Variants in ANKRD26 observed in about 807,000 individuals in gnomAD.
The protein encoded by ANKRD26 is ankyrin repeat domain-containing protein 26.
In ANKRD26, 141 loss-of-function variants were observed where a neutral mutation model predicts 208.7. The observed-to-expected ratio is 0.68, with a 90% confidence interval of 0.59 to 0.78. ANKRD26 has a LOEUF of 0.78. Among genes scored for constraint, ANKRD26 ranks in the 30% least tolerant of loss-of-function variants. The probability of loss-of-function intolerance (pLI) is 0.00; values close to 1 mark genes in which losing one functional copy is unlikely to be tolerated. For missense variants in ANKRD26, 1,889 were observed against 1,938.7 expected, an observed-to-expected ratio of 0.97 and a Z score of 0.48; for synonymous variants, 636 against 660.4, an observed-to-expected ratio of 0.96 and a Z score of 0.57.
chr10:27,009,534 A>C (rs1440884575), intron 32 of ANKRD26, among the ~76,000 whole-genome samples: 2 of 152,182 alleles, frequency 1.3e-5, no homozygotes, highest in East Asian at 3.9e-4. Flanking sequence ...TGGAAGAAAA[A>C]AGGAGAGAAA....
intron 12 of ANKRD26, 122 bp downstream of exon 12, chr10:27,063,866 C>G (rs1470788708): frequency 1.2e-5 from 10 of 821,292 alleles, no homozygotes; most frequent in Non-Finnish European, 2.0e-5. Context: ...AATTTTACCT[C>G]TCTTTATTCT....
At chr10:26,952,728 A>G in the ANKRD26 span, among the ~76,000 whole-genome samples, 1 of 152,254 alleles carries the variant, frequency 6.6e-6, no homozygotes, top group Non-Finnish European at 1.5e-5. Flanking sequence ...ATTACTGTAT[A>G]GCTAAACTCT....
At chr10:27,066,102 C>G in intron 11 of ANKRD26, 1 of 156,858 alleles carries the variant, frequency 6.4e-6, no homozygotes, top group Non-Finnish European at 1.4e-5. Context: ...ACCTCATGAT[C>G]CGCCAGCCTC....
rs1396065013 is a variant in ANKRD26 at position 27,061,192 on chromosome 10, C to T, written c.1414G>A (p.Ala472Thr). The T allele has an allele frequency of 6.2e-7, 1 of 1,612,588 alleles. No homozygotes were observed. The highest frequency in any genetic ancestry group is 2.2e-5 in the East Asian group (1 of 44,784). ...CMSGSRNFKM[A>T]KLEDTRNVGM... ...ACATTTCTTGTATCCTCTAGTTTAG[C>T]CATCTTAAAGTTTCTTGATCCACTC... is the stretch of plus-strand genomic sequence containing the variant. Residue 472 changes from alanine (A) to threonine (T), a missense_variant, in exon 13 of 34, where the codon GCT (alanine) becomes ACT (threonine). Physicochemically the swap from Ala to Thr is moderately conservative, Grantham distance 58. Transcript: ENST00000376087.
In ANKRD26 at chr10:27,064,070, C is replaced by A; in HGVS notation, c.1281G>T (p.Glu427Asp). Residue 427 changes from glutamate to aspartate, a missense_variant, in exon 12 of 34, where the codon GAG (glutamate) becomes GAT (aspartate). Coordinates refer to ENST00000376087, the MANE Select transcript of ANKRD26 (RefSeq NM_014915.3). ...GATCAACATACTTCTGTGGAAAATT[C>A]TCAGAGATACTCTGTTAAAATTAGT... is the stretch of plus-strand genomic sequence containing the variant. The part of the protein sequence containing the change: ...ESPWDSESIS[E>D]NFPQKYVDPL... 6.2e-7 allele frequency: 1 copy of A among 1,608,166 alleles called. No homozygotes were observed. Among genetic ancestry groups the A allele is most frequent in the South Asian group, 1.1e-5 (1 of 90,814 alleles).
chr10:27,084,955 T>C (rs1284481778), intron 5 of ANKRD26, among the ~76,000 whole-genome samples: 2 of 152,076 alleles, frequency 1.3e-5, no homozygotes, highest in East Asian at 1.9e-4. Context: ...TTTTGTACTT[T>C]CATTATAATT....
the ANKRD26 span, among the ~76,000 whole-genome samples, chr10:26,966,789 G>T: frequency 6.6e-6 from 1 of 152,146 alleles, no homozygotes; most frequent in Non-Finnish European, 1.5e-5. Context: ...AATCCTGTTA[G>T]CAGCTATGCT....
the ANKRD26 span, among the ~76,000 whole-genome samples, chr10:26,966,039 G>C: frequency 2.6e-5 from 4 of 152,180 alleles, no homozygotes; most frequent in African/African-American, 4.8e-5. Flanking sequence ...TGGTGGGAAT[G>C]TAAATTAGTT....
the ANKRD26 span, among the ~76,000 whole-genome samples, chr10:26,960,724 C>G: frequency 6.6e-6 from 1 of 152,122 alleles, no homozygotes; most frequent in African/African-American, 2.4e-5. Flanking sequence ...AAATACTATC[C>G]TATATTTACT....
At chr10:27,099,436 TTC>T (rs1204997367) in intron 1 of ANKRD26, among the ~76,000 whole-genome samples, 1 of 152,140 alleles carries the variant, frequency 6.6e-6, no homozygotes, top group Non-Finnish European at 1.5e-5. Context: ...GGCATTTTAT[TTC>T]TTTTTCTTTT....
downstream of ANKRD26, among the ~76,000 whole-genome samples, chr10:26,972,234 C>CA (rs749010461): frequency 0.069 from 4,143 of 60,404 alleles, 172 homozygotes; most frequent in African/African-American, 0.15. Context: ...GACTCCGTCT[C>CA]AAAAAAAAAA....
chr10:27,080,098 A>T, intron 6 of ANKRD26: 1 of 392,576 alleles, frequency 2.5e-6, no homozygotes, highest in Non-Finnish European at 5.1e-6. Context: ...CAGAGATTGC[A>T]GTGAGCTGAG....
intron 30 of ANKRD26, among the ~76,000 whole-genome samples, chr10:27,014,969 C>T (rs1032296940): frequency 4.6e-5 from 7 of 152,154 alleles, no homozygotes; most frequent in Non-Finnish European, 4.4e-5. Context: ...GTAATCAAAA[C>T]AATAAAGGCT....
At chr10:26,964,193 G>C in the ANKRD26 span, among the ~76,000 whole-genome samples, 10 of 152,036 alleles carry the variant, frequency 6.6e-5, no homozygotes, top group Admixed American at 2.6e-4. Flanking sequence ...ACAGGCATGA[G>C]GCACCATGCC....
Position 26,977,859 on chromosome 10 carries a change from C to T in ANKRD26, c.*282-1817G>A, listed in dbSNP as rs183446350. On this transcript the variant is annotated intron_variant and NMD_transcript_variant, in intron 5 of 5. Coordinates refer to the ANKRD26 transcript ENST00000674670. The stretch of plus-strand genomic sequence containing the variant: ...GAATGTGCCCTGCCCTACTTCTGAA[C>T]GCCCTAACACTAATCCCATGTTGCA... Among the ~76,000 whole-genome samples the T allele has an allele frequency of 4.0e-3, 609 of 152,284 alleles. 5 individuals are homozygous for T. Among genetic ancestry groups the T allele is most frequent in the African/African-American group, 0.013 (555 of 41,558 alleles).
intron 30 of ANKRD26, 61 bp downstream of exon 30, chr10:27,017,441 G>A: frequency 5.1e-6 from 8 of 1,556,190 alleles, no homozygotes; most frequent in Non-Finnish European, 5.3e-6. Flanking sequence ...CACATATAAT[G>A]TATATATCCA....
chr10:27,027,957 A>G (rs2053721134), intron 27 of ANKRD26, among the ~76,000 whole-genome samples: 1 of 152,218 alleles, frequency 6.6e-6, no homozygotes, highest in Non-Finnish European at 1.5e-5. Flanking sequence ...GAGATATCCA[A>G]TACTTATTAT....
chr10:27,031,001 T>G (rs2053848037), intron 25 of ANKRD26, among the ~76,000 whole-genome samples: 1 of 152,188 alleles, frequency 6.6e-6, no homozygotes, highest in African/African-American at 2.4e-5. Flanking sequence ...GGGCAAATTG[T>G]TCTACACAGA....
At chr10:27,084,925 TAG>T (rs1564427076) in intron 5 of ANKRD26, among the ~76,000 whole-genome samples, 2 of 151,926 alleles carry the variant, frequency 1.3e-5, no homozygotes, top group East Asian at 1.9e-4. Flanking sequence ...TGTTTTTTTT[TAG>T]AGTCTCCCAT....
Sources: gnomAD v4.1 joint callset for allele counts (sites outside exome capture counted in the v4.1 genomes callset) on GRCh38, gnomAD v4.1.1 for gene constraint, MANE v1.5 for transcripts, NCBI Gene and HGNC (gene_info 2026-07-23, HGNC 2026-07-21) for gene names.